OPCML: variants seen among roughly 807,000 people sequenced by gnomAD.
The protein encoded by OPCML is opioid binding protein/cell adhesion molecule like, also known as opioid-binding protein/cell adhesion molecule.
In OPCML, 13 loss-of-function variants were observed where a neutral mutation model predicts 37.8. That is an observed-to-expected ratio of 0.34 (90% confidence interval 0.22 to 0.55). The LOEUF (loss-of-function observed/expected upper bound fraction) is 0.55, where lower values mean the gene tolerates loss of function less well. Among genes scored for constraint, OPCML ranks in the 20% least tolerant of loss-of-function variants. The probability of loss-of-function intolerance (pLI) is 0.91; values close to 1 mark genes in which losing one functional copy is unlikely to be tolerated. For missense variants in OPCML, 341 were observed against 435.6 expected, an observed-to-expected ratio of 0.78 and a Z score of 1.93; for synonymous variants, 176 against 168.8, an observed-to-expected ratio of 1.04 and a Z score of -0.33.
At chr11:132,762,384 G>A (rs923925001) in intron 2 of OPCML, among the ~76,000 whole-genome samples, 3 of 152,226 alleles carry the variant, frequency 2.0e-5, no homozygotes, top group African/African-American at 7.2e-5. Context: ...AGGCAGGAAC[G>A]TTTAAGTCTG....
chr11:133,176,024 C>T (rs945208468), intron 1 of OPCML, among the ~76,000 whole-genome samples: 6 of 152,262 alleles, frequency 3.9e-5, no homozygotes, highest in Admixed American at 1.3e-4. Flanking sequence ...TGAAAATATA[C>T]ATCTCCTGGG....
intron 1 of OPCML, among the ~76,000 whole-genome samples, chr11:133,231,515 T>C (rs1450786684): frequency 6.6e-6 from 1 of 152,174 alleles, no homozygotes; most frequent in Admixed American, 6.5e-5. Flanking sequence ...GGCAGAGCTC[T>C]CCTGAGATCC....
At chr11:132,940,645 C>T (rs1398482898) in intron 2 of OPCML, among the ~76,000 whole-genome samples, 3 of 152,124 alleles carry the variant, frequency 2.0e-5, no homozygotes, top group Admixed American at 1.3e-4. Context: ...GGGAACAGAA[C>T]TCTTCACCAA....
chr11:133,199,610 G>T (rs576529067), intron 1 of OPCML, among the ~76,000 whole-genome samples: 1 of 152,106 alleles, frequency 6.6e-6, no homozygotes, highest in Non-Finnish European at 1.5e-5. Flanking sequence ...GGTTCCACTT[G>T]TACATTTTCA....
intron 2 of OPCML, among the ~76,000 whole-genome samples, chr11:132,822,999 A>T (rs1014803469): frequency 1.3e-5 from 2 of 152,238 alleles, no homozygotes; most frequent in Non-Finnish European, 2.9e-5. Flanking sequence ...ATGAATATTC[A>T]TTGTTATTAA....
chr11:133,105,059 C>T (rs972002151), intron 1 of OPCML, among the ~76,000 whole-genome samples: 4 of 152,108 alleles, frequency 2.6e-5, no homozygotes, highest in African/African-American at 9.7e-5. Flanking sequence ...TGATATGTAT[C>T]CTTAAACTTT....
chr11:133,472,433 C>A (rs1392898743), intron 1 of OPCML, among the ~76,000 whole-genome samples: 1 of 152,050 alleles, frequency 6.6e-6, no homozygotes, highest in Non-Finnish European at 1.5e-5. Context: ...AGCATCATTG[C>A]CACCTGGGCA....
chr11:133,009,475 C>A (rs935584819), intron 1 of OPCML, among the ~76,000 whole-genome samples: 1 of 152,142 alleles, frequency 6.6e-6, no homozygotes, highest in Non-Finnish European at 1.5e-5. Context: ...GTTCAAAGAA[C>A]CTAGGCAGTT....
intron 1 of OPCML, among the ~76,000 whole-genome samples, chr11:133,271,711 A>C (rs1941841040): frequency 6.6e-6 from 1 of 152,238 alleles, no homozygotes; most frequent in Non-Finnish European, 1.5e-5. Context: ...AGTCTATGAC[A>C]GTGCTTCAAA....
Position 133,520,466 on chromosome 11 carries a change from G to A in OPCML, c.61+11798C>T, listed in dbSNP as rs565676336. 3.3e-5 allele frequency among the ~76,000 whole-genome samples: 5 copies of A among 152,238 alleles called. No homozygotes were observed. In the South Asian group the frequency reaches 6.2e-4, roughly 19 times the overall value. On this transcript the variant is annotated intron_variant, in intron 1 of 7. Transcript: ENST00000524381. ...TGGTGCTCATTCTGGACTTAGCCCA[G>A]CATGGGTGCAAGGCTTTGTGGGGAC...
intron 1 of OPCML, among the ~76,000 whole-genome samples, chr11:133,501,978 C>T (rs112301719): frequency 1.5e-3 from 230 of 152,264 alleles, no homozygotes; most frequent in African/African-American, 5.2e-3. Context: ...CTTCCACGAC[C>T]GCTGCTGCCT....
chr11:133,287,011 T>A (rs1942317726), intron 1 of OPCML, among the ~76,000 whole-genome samples: 1 of 152,282 alleles, frequency 6.6e-6, no homozygotes, highest in East Asian at 1.9e-4. Context: ...TGGGTGAGGC[T>A]GTGGACAGAA....
At chr11:132,954,020 A>G (rs1016273402) in intron 1 of OPCML, among the ~76,000 whole-genome samples, 2 of 152,174 alleles carry the variant, frequency 1.3e-5, no homozygotes, top group African/African-American at 4.8e-5. Flanking sequence ...GTTTTGTATA[A>G]CATGTCAGTT....
chr11:132,989,695 T>A (rs1215597351), intron 1 of OPCML, among the ~76,000 whole-genome samples: 1 of 150,836 alleles, frequency 6.6e-6, no homozygotes. Flanking sequence ...TACTATTTTT[T>A]AAATAAAAAT....
intron 1 of OPCML, among the ~76,000 whole-genome samples, chr11:133,494,024 A>C (rs905878623): frequency 1.3e-5 from 2 of 149,846 alleles, no homozygotes; most frequent in African/African-American, 5.0e-5. Flanking sequence ...AAAAAAAAAA[A>C]CACACAACCC....
rs149349357 is a variant in OPCML, at chr11:132,606,418, C to T, written c.379+50669G>A. ...CTCTGCCCTGCTCGTCTTAGACCTC[C>T]GCTGCCTGATTCCCCTGCATTTGTC... On this transcript the variant is annotated intron_variant, in intron 3 of 7. Transcript: ENST00000524381. 8.7e-3 allele frequency among the ~76,000 whole-genome samples: 1,329 copies of T among 152,258 alleles called. 10 individuals are homozygous for T. Among genetic ancestry groups the T allele is most frequent in the South Asian group, 0.019 (91 of 4,822 alleles).
At chr11:132,759,699 T>C (rs1053029812) in intron 2 of OPCML, among the ~76,000 whole-genome samples, 8 of 151,968 alleles carry the variant, frequency 5.3e-5, no homozygotes, top group Non-Finnish European at 7.3e-5. Context: ...TTCTTCCTTA[T>C]TAGTCTGGCT....
At chr11:132,425,365 A>G (rs1245317967) in intron 7 of OPCML, among the ~76,000 whole-genome samples, 1 of 152,238 alleles carries the variant, frequency 6.6e-6, no homozygotes. Context: ...CCTGTTGGAT[A>G]GTCTTAAGAG....
intron 1 of OPCML, among the ~76,000 whole-genome samples, chr11:133,151,936 A>G (rs578125554): frequency 6.6e-6 from 1 of 152,236 alleles, no homozygotes; most frequent in Non-Finnish European, 1.5e-5. Flanking sequence ...TCCCCCAGGA[A>G]GAGAATGCTT....
Sources: gnomAD v4.1 joint callset for allele counts (sites outside exome capture counted in the v4.1 genomes callset) on GRCh38, gnomAD v4.1.1 for gene constraint, MANE v1.5 for transcripts, NCBI Gene and HGNC (gene_info 2026-07-23, HGNC 2026-07-21) for gene names.